Variants in TG observed in about 807,000 individuals in gnomAD.
TG encodes thyroid hormones.
Under a neutral mutation model 324.7 loss-of-function variants are expected in TG, and 270 were observed. The ratio of observed to expected loss-of-function variants is 0.83; its 90% CI spans 0.75 to 0.92. The LOEUF is 0.92. Among genes scored for constraint, TG ranks in the 40% least tolerant of loss-of-function variants. The pLI is 0.00. For missense variants in TG, 3,591 were observed against 3,456.4 expected (o/e 1.04, Z -0.98); for synonymous variants, 1,401 against 1,327.0 (o/e 1.06, Z -1.21).
At chr8:132,900,169 GC>G in intron 14 of TG, 67 bp from the exon 15 acceptor site, 1 of 1,379,502 alleles carries the variant, frequency 7.2e-7, no homozygotes, top group East Asian at 2.3e-5. Context: ...TTTGACATCT[GC>G]CAGCAGCAGG....
At chr8:133,114,370 T>C (rs1218685849) in intron 44 of TG, among the ~76,000 whole-genome samples, 2 of 152,088 alleles carry the variant, frequency 1.3e-5, no homozygotes, top group African/African-American at 4.8e-5. Context: ...GTCCCCAGGG[T>C]CCCTCTCTTG....
At chr8:133,018,625 A>G (rs1835281928) in intron 38 of TG, among the ~76,000 whole-genome samples, 1 of 152,132 alleles carries the variant, frequency 6.6e-6, no homozygotes, top group African/African-American at 2.4e-5. Flanking sequence ...TTTAAATAGC[A>G]AGCATATTGA....
intron 41 of TG, among the ~76,000 whole-genome samples, chr8:133,035,922 C>T (rs1244805596): frequency 6.6e-6 from 1 of 152,162 alleles, no homozygotes; most frequent in African/African-American, 2.4e-5. Flanking sequence ...CTCCTCATGT[C>T]TCCTGGAATG....
At chr8:133,129,908 C>T (rs1264814914) in intron 45 of TG, among the ~76,000 whole-genome samples, 1 of 152,160 alleles carries the variant, frequency 6.6e-6, no homozygotes, top group African/African-American at 2.4e-5. Flanking sequence ...TTTTAGGGAA[C>T]TTGTGGCTCT....
chr8:133,031,609 C>T (rs1316604741), intron 41 of TG, among the ~76,000 whole-genome samples: 1 of 152,182 alleles, frequency 6.6e-6, no homozygotes, highest in Non-Finnish European at 1.5e-5. Flanking sequence ...TGTACCTCAG[C>T]CTTGCCCAAC....
At chr8:133,000,517 A>G (rs1833358316) in intron 35 of TG, among the ~76,000 whole-genome samples, 1 of 152,248 alleles carries the variant, frequency 6.6e-6, no homozygotes, top group African/African-American at 2.4e-5. Context: ...CAGAGCTGGC[A>G]TCTGGCCAGG....
chr8:132,886,651 G>A lies in TG; in HGVS notation c.1279G>A (p.Glu427Lys), dbSNP rs1246191057. 1.2e-6 allele frequency: 2 copies of A among 1,614,076 alleles called. No homozygotes were observed. Among genetic ancestry groups the A allele is most frequent in the Non-Finnish European group, 1.7e-6 (2 of 1,180,056 alleles). The change falls in exon 9 of 48, where the codon GAG becomes AAG. Residue 427 changes from glutamate (E) to lysine (K), a missense_variant. By Grantham distance (56) the Glu-to-Lys change is moderately conservative. Transcript: ENST00000220616. ...VDSGLLRPMV[E>K]GQSQQFSVSE... ...CTCTGGGCTTCTCCGCCCAATGGTGGAGGGACAGAGCCAACAGTTTTCTGT... is the reference window on the plus strand; with the variant it reads ...CTCTGGGCTTCTCCGCCCAATGGTGAAGGGACAGAGCCAACAGTTTTCTGT...
rs1057192819 is a variant in TG, at chr8:133,068,110, A to G, written c.7240-26934A>G. On this transcript the variant is annotated intron_variant, in intron 41 of 47. Transcript: ENST00000220616. ...GGGGCATCATAAAGCATCACTTGAA[A>G]AGTAGCAACTCAACACTCTCACAGG... 2.6e-5 allele frequency among the ~76,000 whole-genome samples: 4 copies of G among 152,300 alleles called. No homozygotes were observed. The East Asian group carries it at 5.8e-4, about 22-fold the overall frequency.
At chr8:133,007,853 CT>C (rs1278421186) in intron 35 of TG, among the ~76,000 whole-genome samples, 1 of 148,860 alleles carries the variant, frequency 6.7e-6, no homozygotes, top group Non-Finnish European at 1.5e-5. Flanking sequence ...CTAGTCAAAT[CT>C]TTAGACAAAC....
intron 35 of TG, among the ~76,000 whole-genome samples, chr8:133,008,529 A>G (rs549557205): frequency 1.1e-4 from 16 of 152,352 alleles, no homozygotes; most frequent in African/African-American, 3.6e-4. Context: ...AATAAAAATT[A>G]ATCAATAAAC....
intron 14 of TG, among the ~76,000 whole-genome samples, chr8:132,899,393 C>T (rs146859555): frequency 2.0e-5 from 3 of 152,236 alleles, no homozygotes; most frequent in African/African-American, 7.2e-5. Flanking sequence ...AATTTATGCC[C>T]AGAACTTAAC....
chr8:133,067,790 GAA>G (rs1564145104), intron 41 of TG, among the ~76,000 whole-genome samples: 4 of 142,372 alleles, frequency 2.8e-5, no homozygotes, highest in Admixed American at 2.2e-4. Flanking sequence ...AAGAAAGAAA[GAA>G]AAAGAAAGAA....
intron 43 of TG, among the ~76,000 whole-genome samples, chr8:133,107,890 T>C (rs1338768817): frequency 6.6e-6 from 1 of 152,100 alleles, no homozygotes; most frequent in Non-Finnish European, 1.5e-5. Flanking sequence ...GTCCTAGCAC[T>C]CCTAAAAGCT....
chr8:133,131,732 A>T, intron 45 of TG, 80 bp from the exon 46 acceptor site: 1 of 1,586,924 alleles, frequency 6.3e-7, no homozygotes, highest in Non-Finnish European at 8.6e-7. Context: ...TGGAAGAAAT[A>T]TTTTTGTTTG....
intron 43 of TG, among the ~76,000 whole-genome samples, chr8:133,103,885 T>C (rs1030061532): frequency 6.6e-6 from 1 of 152,256 alleles, no homozygotes; most frequent in African/African-American, 2.4e-5. Context: ...GGAGAGTTCA[T>C]GTTCTCATGA....
intron 36 of TG, among the ~76,000 whole-genome samples, chr8:133,012,873 C>T (rs550845526): frequency 1.7e-4 from 26 of 152,300 alleles, no homozygotes; most frequent in African/African-American, 6.0e-4. Context: ...TTTTTCAGAA[C>T]TGTTCTTAGG....
Position 132,870,783 on chromosome 8 carries a change from A to G in TG, c.275-565A>G, listed in dbSNP as rs138553117. Among the ~76,000 whole-genome samples, 131 of 152,166 alleles carry G rather than the reference A, an allele frequency of 8.6e-4. 1 individual carries two copies. In the East Asian group the frequency reaches 0.022, roughly 26 times the overall value. On this transcript the variant is annotated intron_variant, in intron 3 of 47. Transcript: ENST00000220616. ...ATGTGAGAGAGAAAGCTAGAGAGAT[A>G]GAAGGTGGAGGTGCCAGGCTCTTTT...
chr8:133,121,912 C>T (rs1006988963), intron 45 of TG, among the ~76,000 whole-genome samples: 2 of 152,180 alleles, frequency 1.3e-5, no homozygotes, highest in Admixed American at 1.3e-4. Context: ...GAAACTAACT[C>T]ATTTGATTTT....
chr8:132,948,736 C>A, intron 26 of TG, 40 bp from the exon 27 acceptor site: 1 of 1,609,064 alleles, frequency 6.2e-7, no homozygotes, highest in Non-Finnish European at 8.5e-7. Flanking sequence ...AAAGGTCCCC[C>A]TCCATCACAC....
Sources: gnomAD v4.1 joint callset for allele counts (sites outside exome capture counted in the v4.1 genomes callset) on GRCh38, gnomAD v4.1.1 for gene constraint, MANE v1.5 for transcripts, NCBI Gene and HGNC (gene_info 2026-07-23, HGNC 2026-07-21) for gene names.